The following TRAPPC9 variants were observed in gnomAD, a reference collection of about 807,000 sequenced individuals.
The protein encoded by TRAPPC9 is trafficking protein particle complex subunit 9.
A neutral mutation model predicts 124.0 loss-of-function variants in TRAPPC9; 83 were observed. The observed-to-expected ratio is 0.67, with a 90% CI of 0.56 to 0.80. The LOEUF is 0.80. Among genes scored for constraint, TRAPPC9 ranks in the 30% least tolerant of loss-of-function variants. The pLI, the probability that TRAPPC9 is intolerant of heterozygous loss-of-function variation, is 0.00. For missense variants in TRAPPC9, 1,302 were observed against 1,508.3 expected (o/e 0.86, Z 2.27); for synonymous variants, 638 against 617.5 (o/e 1.03, Z -0.49).
chr8:140,209,865 A>G (rs1380838465), intron 17 of TRAPPC9, among the ~76,000 whole-genome samples: 1 of 152,236 alleles, frequency 6.6e-6, no homozygotes, highest in Non-Finnish European at 1.5e-5. Context: ...CTTAGAAATT[A>G]TACGTAAAGG....
In TRAPPC9 at chr8:140,241,545, A is replaced by G. The variant is rs1440930060; in HGVS notation, c.2431+11232T>C. On this transcript the variant is annotated intron_variant, in intron 16 of 22. Coordinates refer to ENST00000438773, the MANE Select transcript of TRAPPC9 (RefSeq NM_001160372.4). The surrounding 1 kb of genome is among the most constrained non-coding windows in gnomAD (Gnocchi z 5.0). ...CCCTGTCTCTACTAAAAATACAAAA[A>G]TTAGCTGGGCATGGTGGTGTGCGCC... is the stretch of plus-strand genomic sequence containing the variant. 1.3e-5 allele frequency among the ~76,000 whole-genome samples: 2 copies of G among 152,020 alleles called. No individual in the cohort carries two copies. The highest frequency in any genetic ancestry group is 4.8e-5 in the African/African-American group (2 of 41,376).
chr8:140,291,921 G>A (rs1015152207), intron 11 of TRAPPC9, among the ~76,000 whole-genome samples: 2 of 152,192 alleles, frequency 1.3e-5, no homozygotes, highest in Non-Finnish European at 2.9e-5. Context: ...CTGAGGAGTC[G>A]TGAGAGCAGG....
At chr8:140,146,135 A>G (rs1435660865) in intron 17 of TRAPPC9, among the ~76,000 whole-genome samples, 1 of 152,278 alleles carries the variant, frequency 6.6e-6, no homozygotes, top group African/African-American at 2.4e-5. Flanking sequence ...AACTAGTCAA[A>G]TTTTCAAAAT....
At chr8:139,844,611 TAAGG>T (rs1826948997) in intron 21 of TRAPPC9, among the ~76,000 whole-genome samples, 1 of 151,998 alleles carries the variant, frequency 6.6e-6, no homozygotes, top group South Asian at 2.1e-4. Context: ...CACCTTAAAT[TAAGG>T]AAGAGAAAAG....
At chr8:139,963,197 C>T (rs1835456463) in intron 19 of TRAPPC9, among the ~76,000 whole-genome samples, 1 of 152,082 alleles carries the variant, frequency 6.6e-6, no homozygotes, top group Admixed American at 6.6e-5. Context: ...ACATAGAAAT[C>T]GGTGATAATA....
intron 6 of TRAPPC9, among the ~76,000 whole-genome samples, chr8:140,402,494 G>A (rs2069313377): frequency 6.6e-6 from 1 of 151,542 alleles, no homozygotes; most frequent in African/African-American, 2.4e-5. Flanking sequence ...AGAAGTTCAA[G>A]ACAAGCCTGG....
chr8:139,937,965 C>A, intron 19 of TRAPPC9, among the ~76,000 whole-genome samples: 1 of 152,000 alleles, frequency 6.6e-6, no homozygotes, highest in African/African-American at 2.4e-5. Flanking sequence ...CCTGAGTCTT[C>A]GGGGATTTGA....
At chr8:140,052,206 C>A (rs1309500755) in intron 17 of TRAPPC9, among the ~76,000 whole-genome samples, 1 of 111,880 alleles carries the variant, frequency 8.9e-6, no homozygotes, top group African/African-American at 4.6e-5. Flanking sequence ...ACACGGTATT[C>A]TCCAAAACAA....
chr8:140,297,349 G>GACACACACACATACAC (rs151005396), intron 11 of TRAPPC9, among the ~76,000 whole-genome samples: 1 of 151,660 alleles, frequency 6.6e-6, no homozygotes, highest in Middle Eastern at 3.4e-3. Flanking sequence ...CACATGCATA[G>GACACACACACATACAC]ACACACACAC....
At chr8:140,160,068 G>A (rs536295632) in intron 17 of TRAPPC9, among the ~76,000 whole-genome samples, 1 of 152,322 alleles carries the variant, frequency 6.6e-6, no homozygotes, top group East Asian at 1.9e-4. Context: ...CTGCTCATTA[G>A]AGAAATGCAA....
chr8:140,068,659 G>A (rs950184466), intron 17 of TRAPPC9, among the ~76,000 whole-genome samples: 5 of 152,136 alleles, frequency 3.3e-5, no homozygotes, highest in Non-Finnish European at 5.9e-5. Flanking sequence ...TTCTTCAATC[G>A]AAATAGCTTA....
chr8:140,200,081 A>T (rs1348281444), intron 17 of TRAPPC9, among the ~76,000 whole-genome samples: 1 of 152,190 alleles, frequency 6.6e-6, no homozygotes, highest in African/African-American at 2.4e-5. Flanking sequence ...TAAGTCAACG[A>T]AGAGTAGCTG....
At chr8:140,279,681 C>T (rs3922669) in intron 14 of TRAPPC9, among the ~76,000 whole-genome samples, 40,372 of 151,862 alleles carry the variant, frequency 0.27, 6,414 homozygotes, top group Non-Finnish European at 0.35. Flanking sequence ...AGAGCATGCA[C>T]GCACCCCCGT....
At chr8:139,791,294 A>G (rs1425607340) in intron 21 of TRAPPC9, among the ~76,000 whole-genome samples, 4 of 143,550 alleles carry the variant, frequency 2.8e-5, no homozygotes, top group Admixed American at 2.1e-4. Context: ...CCCTGCACAG[A>G]CTCTCACACA....
At chr8:140,281,394 C>G (rs924216899) in intron 14 of TRAPPC9, among the ~76,000 whole-genome samples, 1 of 152,164 alleles carries the variant, frequency 6.6e-6, no homozygotes, top group Non-Finnish European at 1.5e-5. Context: ...TGCTTATGAG[C>G]TATTTGTATA....
chr8:140,242,922 C>A (rs537014068), intron 16 of TRAPPC9, among the ~76,000 whole-genome samples: 1 of 151,712 alleles, frequency 6.6e-6, no homozygotes, highest in Non-Finnish European at 1.5e-5. Context: ...ATTTCAATGG[C>A]GGAAAAGTAC....
rs533988155 is a variant in TRAPPC9, at chr8:139,837,336, T to A, written c.3055+48543A>T. 7.0e-4 allele frequency among the ~76,000 whole-genome samples: 107 copies of A among 152,036 alleles called. 1 individual carries two copies. Among genetic ancestry groups the A allele is most frequent in the South Asian group, 6.1e-3 (29 of 4,790 alleles). On this transcript the variant is annotated intron_variant, in intron 21 of 22. Transcript: ENST00000438773. The stretch of plus-strand genomic sequence containing the variant: ...AGTGCACAGCTGCCACGGGGCAGGG[T>A]CTTCCGGCTCCCACCTGACAGCCCA...
chr8:139,789,751 G>T (rs935215220), intron 21 of TRAPPC9, among the ~76,000 whole-genome samples: 3 of 152,204 alleles, frequency 2.0e-5, no homozygotes, highest in African/African-American at 7.2e-5. Flanking sequence ...CCAGGGGAAG[G>T]CCAGGTAGGA....
At chr8:140,456,946 G>T in intron 1 of TRAPPC9, 1 of 460,852 alleles carries the variant, frequency 2.2e-6, no homozygotes, top group Non-Finnish European at 2.9e-6. Context: ...ATTGGGGTGG[G>T]CTGACAGGGA....
Sources: allele counts gnomAD v4.1 joint callset (sites outside exome capture counted in the v4.1 genomes callset), GRCh38; gene constraint gnomAD v4.1.1; non-coding constraint Gnocchi (gnomAD v3.1); transcripts MANE v1.5; gene names NCBI Gene and HGNC (gene_info 2026-07-23, HGNC 2026-07-21).